TECTA: variants seen among roughly 807,000 people sequenced by gnomAD.
TECTA encodes alpha-tectorin.
Under a neutral mutation model 216.8 loss-of-function variants are expected in TECTA, and 128 were observed. The observed-to-expected ratio is 0.59, with a 90% CI of 0.51 to 0.68. The LOEUF is 0.68. Among genes scored for constraint, TECTA ranks in the 30% least tolerant of loss-of-function variants. The pLI is 0.00. For synonymous variants in TECTA, 1,089 were observed against 1,117.1 expected (o/e 0.97, Z 0.50); for missense variants, 2,551 against 2,786.2 (o/e 0.92, Z 1.90).
rs764245058 is a variant in TECTA at position 121,125,645 on chromosome 11, C to T, written c.1547C>T (p.Ala516Val). The stretch of plus-strand genomic sequence containing the variant: ...ACCCAGTGCGACGCTGCCACTGAAG[C>T]CCTCTACTTTGGCTCTGACTACTGC... The part of the protein sequence containing the change: ...NCTQCDAATE[A>V]LYFGSDYCGF... The change falls in exon 8 of 24, where the codon GCC becomes GTC. Residue 516 changes from alanine (A) to valine (V), a missense_variant. Physicochemically the swap from Ala to Val is moderately conservative, Grantham distance 64 (BLOSUM62 0). Around this residue, in one of 3 missense-constraint regions of TECTA, gnomAD observed 2,375 missense variants for 2,563.9 expected, o/e 0.93. Coordinates refer to ENST00000392793, the MANE Select transcript of TECTA (RefSeq NM_005422.4). 3 of 1,611,486 alleles carry T rather than the reference C, an allele frequency of 1.9e-6. No homozygotes were observed. In the Admixed American group the frequency reaches 5.0e-5, roughly 27 times the overall value.
intron 10 of TECTA, among the ~76,000 whole-genome samples, chr11:121,132,313 G>A (rs770697413): frequency 1.4e-4 from 21 of 152,002 alleles, no homozygotes; most frequent in Non-Finnish European, 2.2e-4. Context: ...TTCCATATAC[G>A]GCCAGTGGGA....
At chr11:121,166,948 T>C (rs1197210695) in intron 18 of TECTA, among the ~76,000 whole-genome samples, 168 bp downstream of exon 18, 1 of 152,246 alleles carries the variant, frequency 6.6e-6, no homozygotes, top group Non-Finnish European at 1.5e-5. Context: ...GCAGTCATCA[T>C]TTGATGCTAA....
At chr11:121,180,909 TGTA>T (rs1947221664) in intron 20 of TECTA, among the ~76,000 whole-genome samples, 2 of 150,574 alleles carry the variant, frequency 1.3e-5, no homozygotes, top group South Asian at 4.2e-4. Context: ...GGCTCACACC[TGTA>T]GTCCCAGCAC....
chr11:121,118,205 C>G, intron 6 of TECTA, 101 bp from the exon 7 acceptor site: 1 of 1,466,566 alleles, frequency 6.8e-7, no homozygotes, highest in Non-Finnish European at 9.3e-7. Context: ...AGGGTTCTTA[C>G]GTGGATTAAA....
chr11:121,151,788 C>T (rs537726332), intron 12 of TECTA, among the ~76,000 whole-genome samples: 3 of 152,142 alleles, frequency 2.0e-5, no homozygotes, highest in Non-Finnish European at 2.9e-5. Flanking sequence ...TAGGTGTTAC[C>T]GCTATATAAT....
intron 20 of TECTA, among the ~76,000 whole-genome samples, chr11:121,183,215 A>C (rs1947248158): frequency 1.3e-5 from 2 of 152,120 alleles, no homozygotes. Flanking sequence ...GGCTCCAGGG[A>C]TGTGAAGAAG....
At chr11:121,119,795 T>C (rs1946539136) in intron 7 of TECTA, among the ~76,000 whole-genome samples, 1 of 152,252 alleles carries the variant, frequency 6.6e-6, no homozygotes, top group South Asian at 2.1e-4. Flanking sequence ...TGGCTCTGCC[T>C]TTCCCAGGTC....
At chr11:121,183,361 A>G (rs113510053) in intron 20 of TECTA, among the ~76,000 whole-genome samples, 10 of 152,192 alleles carry the variant, frequency 6.6e-5, no homozygotes, top group African/African-American at 2.4e-4. Flanking sequence ...CTGGAACAAT[A>G]CTGTTATGTG....
At chr11:121,102,015 A>T (rs562930173) in intron 1 of TECTA, among the ~76,000 whole-genome samples, 1 of 152,292 alleles carries the variant, frequency 6.6e-6, no homozygotes, top group East Asian at 1.9e-4. Context: ...TTTTATTGTG[A>T]TTCCAACTCT....
Position 121,190,916 on chromosome 11 carries a change from C to A in TECTA, c.*110C>A. ...ACCTATTTGAAAGTGTCCAGCATCT[C>A]AAAATGATGCCACCTGCCTCCAATG... On this transcript the variant is annotated 3_prime_UTR_variant, in exon 24 of 24. Transcript: ENST00000392793. 1 of 815,500 alleles carries A rather than the reference C, an allele frequency of 1.2e-6. No homozygotes were observed. Among genetic ancestry groups the A allele is most frequent in the Non-Finnish European group, 2.0e-6 (1 of 499,826 alleles). 50.5% of individuals were successfully genotyped at this position (815,500 alleles called of 1,614,324 possible). A position where few individuals can be genotyped will look rare whatever the true frequency, so the allele number is the denominator to read the frequency against.
intron 20 of TECTA, among the ~76,000 whole-genome samples, chr11:121,177,983 A>C (rs1390181312): frequency 6.6e-6 from 1 of 152,240 alleles, no homozygotes; most frequent in East Asian, 1.9e-4. Flanking sequence ...CCTCTGAGCC[A>C]GGTGTGGGAT....
chr11:121,129,959 A>C lies in TECTA; in HGVS notation c.2689A>C (p.Asn897His). Residue 897 changes from asparagine to histidine, a missense_variant, in exon 10 of 24, where the codon AAC becomes CAC. Physicochemically the swap from Asn to His is moderately conservative, Grantham distance 68 (BLOSUM62 1). Transcript: ENST00000392793. ...GECGDLLKAC[N>H]NDSELLKFYR... Reference sequence around the variant, plus strand: ...GTGTGGGGACCTGCTGAAGGCCTGCAACAATGACTCGGAGCTGCTCAAGTT... The same window carrying C: ...GTGTGGGGACCTGCTGAAGGCCTGCCACAATGACTCGGAGCTGCTCAAGTT... 6.2e-7 allele frequency: 1 copy of C among 1,607,228 alleles called. No homozygotes were observed. Among genetic ancestry groups the C allele is most frequent in the Non-Finnish European group, 8.5e-7 (1 of 1,175,386 alleles).
Position 121,118,509 on chromosome 11 carries a change from A to G in TECTA, c.994A>G (p.Thr332Ala). ...CVVFGEPHYH[T>A]FDGFLFHFQG... ...GGTGTTTGGGGAGCCACACTACCAC[A>G]CTTTTGACGGCTTCCTCTTCCACTT... The change falls in exon 7 of 24, where the codon ACT (threonine) becomes GCT (alanine). Residue 332 changes from threonine (T) to alanine (A), a missense_variant. Coordinates refer to ENST00000392793, the MANE Select transcript of TECTA (RefSeq NM_005422.4). The G allele has an allele frequency of 6.2e-7, 1 of 1,614,074 alleles. No individual in the cohort carries two copies. Among genetic ancestry groups the G allele is most frequent in the Non-Finnish European group, 8.5e-7 (1 of 1,180,038 alleles).
In TECTA at chr11:121,174,827, C is replaced by T. The variant is rs11537151; in HGVS notation, c.5999+5902C>T. Among the ~76,000 whole-genome samples, 103 of 152,190 alleles carry T rather than the reference C, an allele frequency of 6.8e-4. 1 individual carries two copies. In the East Asian group the frequency reaches 0.014, roughly 20 times the overall value. ...CTGTGAATCCATCTGGTCCTGGACT[C>T]TTTTTGGTTGGTAAGCTATTGATTA... is the stretch of plus-strand genomic sequence containing the variant. On this transcript the variant is annotated intron_variant, in intron 20 of 23. Coordinates refer to ENST00000392793, the MANE Select transcript of TECTA (RefSeq NM_005422.4).
intron 20 of TECTA, among the ~76,000 whole-genome samples, chr11:121,172,631 T>C (rs564560051): frequency 6.6e-6 from 1 of 151,580 alleles, no homozygotes; most frequent in South Asian, 2.1e-4. Flanking sequence ...CTATTGTGAA[T>C]AGTGCCGCAA....
At chr11:121,135,104 G>A (rs1263630046) in intron 10 of TECTA, among the ~76,000 whole-genome samples, 2 of 152,194 alleles carry the variant, frequency 1.3e-5, no homozygotes, top group Admixed American at 6.5e-5. Flanking sequence ...TGGATAGCAC[G>A]CACTTGATTC....
chr11:121,177,922 TGA>T, intron 20 of TECTA, among the ~76,000 whole-genome samples: 1 of 152,212 alleles, frequency 6.6e-6, no homozygotes, highest in Non-Finnish European at 1.5e-5. Flanking sequence ...CCTTGCAGTT[TGA>T]TCTCAGACTG....
chr11:121,187,265 G>A (rs548009833), intron 20 of TECTA, among the ~76,000 whole-genome samples: 2 of 152,294 alleles, frequency 1.3e-5, no homozygotes, highest in African/African-American at 4.8e-5. Context: ...TCTTGGCTGG[G>A]GTTGTCTCTT....
At position 121,138,036 on chromosome 11, in the gene TECTA, A is replaced by G; in HGVS notation, c.3543+14A>G. 1 of 1,613,532 alleles carries G rather than the reference A, an allele frequency of 6.2e-7. No homozygotes were observed. On this transcript the variant is annotated intron_variant, in intron 11 of 23. Transcript: ENST00000392793. ...CACACTGTGCTGGTGAGTAGTCATG[A>G]GGTCCCCTCAAAAGGGGAATCGTGG...
Sources: gnomAD v4.1 joint callset for allele counts (sites outside exome capture counted in the v4.1 genomes callset) on GRCh38, gnomAD v4.1.1 for gene constraint, gnomAD v4.1.1 regional missense constraint, MANE v1.5 for transcripts, NCBI Gene and HGNC (gene_info 2026-07-23, HGNC 2026-07-21) for gene names.